HDAC9: variants seen among roughly 807,000 people sequenced by gnomAD.
HDAC9 encodes the protein MEF-2 interacting transcription repressor (MITR) protein.
A neutral mutation model predicts 139.4 loss-of-function variants in HDAC9; 41 were observed. The observed-to-expected ratio is 0.29, with a 90% CI of 0.23 to 0.38. The LOEUF is 0.38. Among genes scored for constraint, HDAC9 ranks in the 10% least tolerant of loss-of-function variants. The pLI, the probability that HDAC9 is intolerant of heterozygous loss-of-function variation, is 1.00. For synonymous variants in HDAC9, 517 were observed against 476.2 expected, an observed-to-expected ratio of 1.09 and a Z score of -1.12; for missense variants, 1,147 against 1,297.0, an observed-to-expected ratio of 0.88 and a Z score of 1.78.
rs1208112881 is a variant in HDAC9, at chr7:18,927,067, A to G, written c.2804-8742A>G. On this transcript the variant is annotated intron_variant, in intron 22 of 25. Transcript: ENST00000686413. ...TTAACATGAAATGAATCTTCAGAAT[A>G]TGTTCATAAATTTACATTTTAAACA... is the stretch of plus-strand genomic sequence containing the variant. 4.6e-5 allele frequency among the ~76,000 whole-genome samples: 7 copies of G among 152,206 alleles called. No homozygotes were observed. In the South Asian group the frequency reaches 1.0e-3, roughly 23 times the overall value.
intron 14 of HDAC9, among the ~76,000 whole-genome samples, chr7:18,758,996 C>G (rs1463004009): frequency 2.0e-5 from 3 of 151,566 alleles, no homozygotes; most frequent in African/African-American, 7.3e-5. Flanking sequence ...TGCTTAGAGT[C>G]AAAAGAAAGA....
intron 2 of HDAC9, among the ~76,000 whole-genome samples, chr7:18,175,737 A>G: frequency 6.6e-6 from 1 of 151,170 alleles, no homozygotes; most frequent in Non-Finnish European, 1.5e-5. Context: ...GAAATTGATA[A>G]GCTTTGAGGT....
intron 24 of HDAC9, among the ~76,000 whole-genome samples, chr7:18,961,767 C>G (rs750149074): frequency 6.6e-6 from 1 of 152,116 alleles, no homozygotes; most frequent in Admixed American, 6.5e-5. Flanking sequence ...GTGAAGTAAA[C>G]TGAGGCACAT....
At chr7:18,917,105 A>G (rs1803277358) in intron 22 of HDAC9, among the ~76,000 whole-genome samples, 1 of 152,072 alleles carries the variant, frequency 6.6e-6, no homozygotes, top group African/African-American at 2.4e-5. Flanking sequence ...GGTAGACAGA[A>G]AATAGTAAAC....
chr7:18,839,962 A>G (rs1222070120), intron 21 of HDAC9, among the ~76,000 whole-genome samples: 1 of 152,128 alleles, frequency 6.6e-6, no homozygotes, highest in Non-Finnish European at 1.5e-5. Context: ...TTCTGTTTAA[A>G]TCTGAGAAAA....
intron 1 of HDAC9, among the ~76,000 whole-genome samples, chr7:18,131,284 G>A (rs1358564820): frequency 2.6e-5 from 4 of 152,112 alleles, no homozygotes; most frequent in African/African-American, 9.7e-5. Context: ...TGATGATTCA[G>A]TGCCCAATAT....
rs572199591 is a variant in HDAC9, at chr7:18,233,496, T to C, written c.25+71147T>C. 6.5e-4 allele frequency among the ~76,000 whole-genome samples: 98 copies of C among 151,382 alleles called. No individual in the cohort carries two copies. The Middle Eastern group carries it at 0.01, about 16-fold the overall frequency. On this transcript the variant is annotated intron_variant, in intron 2 of 12. Coordinates refer to the HDAC9 transcript ENST00000417496. ...ACAAGTTTTCTTAGAAAACCATTAATCACTAAACTATGGATTAAATAGTGA... is the reference window on the plus strand; with the variant it reads ...ACAAGTTTTCTTAGAAAACCATTAACCACTAAACTATGGATTAAATAGTGA...
Position 18,318,406 on chromosome 7 carries a change from G to A in HDAC9, c.-42+27891G>A, listed in dbSNP as rs79065240. On this transcript the variant is annotated intron_variant, in intron 1 of 3. Transcript: ENST00000413509. ...CACTTACTGTTTTCAATAACAAATGGAATGCAGATGGCATTTGTTTCAACG... is the reference window on the plus strand; with the variant it reads ...CACTTACTGTTTTCAATAACAAATGAAATGCAGATGGCATTTGTTTCAACG... Among the ~76,000 whole-genome samples, 982 of 152,220 alleles carry A rather than the reference G, an allele frequency of 6.5e-3. 10 individuals carry two copies. The highest frequency in any genetic ancestry group is 0.022 in the African/African-American group (914 of 41,532).
rs563547891 is a variant in HDAC9 at position 18,322,992 on chromosome 7, C to G, written c.-42+32477C>G. On this transcript the variant is annotated intron_variant, in intron 1 of 3. Coordinates refer to the HDAC9 transcript ENST00000413509. ...GGAGAAAGTATGACAGGGAAAAGAA[C>G]TCCATTACTAAAGGGTGGATGCCAT... Among the ~76,000 whole-genome samples, 18 of 152,194 alleles carry G rather than the reference C, an allele frequency of 1.2e-4. No homozygotes were observed. The South Asian group carries it at 3.7e-3, about 32-fold the overall frequency.
At chr7:18,287,904 T>G (rs146419254), upstream of HDAC9, among the ~76,000 whole-genome samples, 123 of 152,342 alleles carry the variant, frequency 8.1e-4, 2 homozygotes, top group Middle Eastern at 0.01. Flanking sequence ...GTGTCCTGCA[T>G]TTTCAACAAT....
At chr7:18,272,607 C>T (rs924032628) in intron 2 of HDAC9, among the ~76,000 whole-genome samples, 1 of 152,012 alleles carries the variant, frequency 6.6e-6, no homozygotes, top group African/African-American at 2.4e-5. Flanking sequence ...TAGGCCTAAT[C>T]AAAGATTCAA....
In HDAC9 at chr7:18,727,704, C is replaced by T; in HGVS notation, c.1856C>T (p.Ser619Phe). 1 of 1,579,782 alleles carries T rather than the reference C, an allele frequency of 6.3e-7. No homozygotes were observed. The highest frequency in any genetic ancestry group is 8.6e-7 in the Non-Finnish European group (1 of 1,167,940). The change falls in exon 13 of 26, where the codon TCT becomes TTT. Residue 619 changes from serine (S) to phenylalanine (F), a missense_variant. Ser to Phe is a radical substitution (Grantham distance 155). Coordinates refer to ENST00000686413, the MANE Select transcript of HDAC9 (RefSeq NM_178425.4). Reference sequence around the variant, plus strand: ...AGGACTCACTCTTCCCCTGCTGCCTCTGTTTTACCTCACCCAGCAATGGAC... The same window carrying T: ...AGGACTCACTCTTCCCCTGCTGCCTTTGTTTTACCTCACCCAGCAATGGAC... Reference protein sequence around the residue: ...VSRTHSSPAASVLPHPAMDRP... With the variant: ...VSRTHSSPAAFVLPHPAMDRP...
chr7:18,806,485 G>T (rs1428600535), intron 17 of HDAC9, among the ~76,000 whole-genome samples: 1 of 152,034 alleles, frequency 6.6e-6, no homozygotes, highest in African/African-American at 2.4e-5. Flanking sequence ...CTACATCTCA[G>T]AGCCAACAAT....
intron 1 of HDAC9, among the ~76,000 whole-genome samples, chr7:18,389,261 G>GAGT (rs1786238442): frequency 6.6e-6 from 1 of 152,182 alleles, no homozygotes; most frequent in Non-Finnish European, 1.5e-5. Flanking sequence ...GCTAGGCTAG[G>GAGT]AGTAGTAGCA....
chr7:18,741,645 T>C (rs1302889655), intron 13 of HDAC9, among the ~76,000 whole-genome samples: 2 of 152,214 alleles, frequency 1.3e-5, no homozygotes, highest in African/African-American at 4.8e-5. Flanking sequence ...TTTTAAATTT[T>C]TACATCTTAT....
intron 16 of HDAC9, among the ~76,000 whole-genome samples, chr7:18,781,110 C>G (rs575662219): frequency 6.6e-6 from 1 of 151,990 alleles, no homozygotes; most frequent in Admixed American, 6.6e-5. Flanking sequence ...TCTGTTCATG[C>G]GCATCCCTGC....
At chr7:18,382,496 G>A (rs1481090704) in intron 1 of HDAC9, among the ~76,000 whole-genome samples, 2 of 152,230 alleles carry the variant, frequency 1.3e-5, no homozygotes, top group Admixed American at 6.5e-5. Flanking sequence ...CTGCCATATG[G>A]CAGTTACTTT....
chr7:18,640,357 TAAAAAAAAAAAAAAAAA>T (rs56655676), intron 8 of HDAC9, among the ~76,000 whole-genome samples: 2 of 66,082 alleles, frequency 3.0e-5, no homozygotes, highest in African/African-American at 1.1e-4. Context: ...GATCCTGTCT[TAAAAAAAAAAAAAAAAA>T]AAAAAAAAAA....
At chr7:18,725,860 T>G (rs1014173367) in intron 12 of HDAC9, among the ~76,000 whole-genome samples, 2 of 152,146 alleles carry the variant, frequency 1.3e-5, no homozygotes, top group Admixed American at 1.3e-4. Flanking sequence ...AGAGTTAGAC[T>G]CTTGTAAAAG....
Sources: gnomAD v4.1 joint callset for allele counts (sites outside exome capture counted in the v4.1 genomes callset) on GRCh38, gnomAD v4.1.1 for gene constraint, MANE v1.5 for transcripts, NCBI Gene and HGNC (gene_info 2026-07-23, HGNC 2026-07-21) for gene names.